Variants in TSHZ3 observed in about 807,000 individuals in gnomAD.
TSHZ3 encodes the protein teashirt homolog 3.
A neutral mutation model predicts 64.5 loss-of-function variants in TSHZ3; 10 were observed. The ratio of observed to expected loss-of-function variants is 0.16; its 90% CI spans 0.10 to 0.26. TSHZ3 has a LOEUF of 0.26. Among genes scored for constraint, TSHZ3 ranks in the 10% least tolerant of loss-of-function variants. TSHZ3 has a pLI of 1.00. For missense variants in TSHZ3, 1,242 were observed against 1,421.7 expected (o/e 0.87, Z 2.03); for synonymous variants, 608 against 593.1 (o/e 1.03, Z -0.36).
At chr19:31,229,913 G>A (rs1171625399) in intron 3 of TSHZ3, among the ~76,000 whole-genome samples, 6 of 152,150 alleles carry the variant, frequency 3.9e-5, no homozygotes, top group Non-Finnish European at 8.8e-5. Context: ...AAAAGATTAT[G>A]TAGAGCCTGG....
At chr19:31,254,465 C>A (rs187945849) in intron 1 of TSHZ3, among the ~76,000 whole-genome samples, 8 of 152,218 alleles carry the variant, frequency 5.3e-5, no homozygotes, top group Non-Finnish European at 1.0e-4. Context: ...CCGGTCAGCA[C>A]CAATCCCCGG....
chr19:31,293,825 C>G (rs1976617072), intron 1 of TSHZ3, among the ~76,000 whole-genome samples: 1 of 152,200 alleles, frequency 6.6e-6, no homozygotes, highest in Non-Finnish European at 1.5e-5. Context: ...CAACTGTACT[C>G]AGTAACTTCT....
At chr19:31,337,301 C>A (rs1332844357) in intron 1 of TSHZ3, among the ~76,000 whole-genome samples, 1 of 151,960 alleles carries the variant, frequency 6.6e-6, no homozygotes, top group Non-Finnish European at 1.5e-5. Context: ...AGAAGAAAAG[C>A]GAACAAAAAA....
chr19:31,283,032 A>G (rs1976392637), intron 1 of TSHZ3, among the ~76,000 whole-genome samples: 1 of 152,130 alleles, frequency 6.6e-6, no homozygotes, highest in South Asian at 2.1e-4. Flanking sequence ...TCTCCCCTCC[A>G]CATTAAAATA....
At chr19:31,252,320 C>A (rs967167707) in intron 1 of TSHZ3, among the ~76,000 whole-genome samples, 3 of 152,056 alleles carry the variant, frequency 2.0e-5, no homozygotes, top group African/African-American at 7.2e-5. Flanking sequence ...ACGGTCTCTC[C>A]CTATGCCAGC....
At chr19:31,255,167 G>C (rs1008022699) in intron 1 of TSHZ3, among the ~76,000 whole-genome samples, 2 of 152,132 alleles carry the variant, frequency 1.3e-5, no homozygotes, top group Non-Finnish European at 2.9e-5. Context: ...TCATCAATGG[G>C]GAATGCCAAC....
Position 31,275,482 on chromosome 19 carries a change from G to A in TSHZ3, c.*1065C>T, listed in dbSNP as rs1426430835. 2 of 140,302 alleles carry A rather than the reference G, an allele frequency of 1.4e-5. No homozygotes were observed. Among genetic ancestry groups the A allele is most frequent in the Non-Finnish European group, 3.1e-5 (2 of 64,218 alleles). The allele number at this position is 140,302 out of a possible 1,614,324, so 8.7% of individuals were successfully genotyped here. A position where few individuals can be genotyped will look rare whatever the true frequency, so the allele number is the denominator to read the frequency against. On this transcript the variant is annotated 3_prime_UTR_variant, in exon 2 of 2. Transcript: ENST00000240587. Reference sequence around the variant, plus strand: ...CCTTTTCAAATAGACTTAACCCTTTGAGCACTGAGTTTATTTTGAGTGTTC... The same window carrying A: ...CCTTTTCAAATAGACTTAACCCTTTAAGCACTGAGTTTATTTTGAGTGTTC...
chr19:31,168,678 G>A (rs1033876678), intron 5 of TSHZ3, among the ~76,000 whole-genome samples: 7 of 152,170 alleles, frequency 4.6e-5, no homozygotes, highest in Non-Finnish European at 1.0e-4. Flanking sequence ...AGCTGCAAGA[G>A]CCTAGATTTT....
intron 5 of TSHZ3, among the ~76,000 whole-genome samples, chr19:31,158,318 G>A (rs1002275122): frequency 6.6e-6 from 1 of 152,158 alleles, no homozygotes; most frequent in Non-Finnish European, 1.5e-5. Flanking sequence ...ATCCATGGCA[G>A]GTTAAAATGA....
intron 5 of TSHZ3, among the ~76,000 whole-genome samples, chr19:31,190,799 A>T (rs1974892543): frequency 6.6e-6 from 1 of 152,212 alleles, no homozygotes; most frequent in African/African-American, 2.4e-5. Flanking sequence ...ATGTTCAAGG[A>T]TTTAAAATAA....
intron 1 of TSHZ3, 47 bp downstream of exon 1, chr19:31,349,133 G>A (rs1225613361): frequency 2.0e-6 from 3 of 1,532,006 alleles, no homozygotes; most frequent in South Asian, 1.2e-5. Context: ...CGGGGCGAGC[G>A]GAGGAAGAGG....
At chr19:31,341,508 A>G (rs188745287) in intron 1 of TSHZ3, among the ~76,000 whole-genome samples, 1 of 152,212 alleles carries the variant, frequency 6.6e-6, no homozygotes, top group Admixed American at 6.5e-5. Flanking sequence ...ACCCCCATGA[A>G]AGGTGTAGGA....
Position 31,277,390 on chromosome 19 carries a change from G to A in TSHZ3, c.2403C>T (p.Cys801=). ...DLTKGKSDKG[C]SLGSVLLSPT... ...GTGACAGAAGCACTGAACCCAAGGA[G>A]CAGCCTTTGTCACTCTTCCCTTTTG... Residue 801 remains cysteine, a synonymous_variant, in exon 2 of 2, where the codon TGC becomes TGT. Transcript: ENST00000240587. The surrounding 1 kb of genome is among the most constrained non-coding windows in gnomAD (Gnocchi z 4.5). 1 of 1,614,200 alleles carries A rather than the reference G, an allele frequency of 6.2e-7. No individual in the cohort carries two copies. The highest frequency in any genetic ancestry group is 8.5e-7 in the Non-Finnish European group (1 of 1,180,036).
chr19:31,296,581 C>T (rs922443276), intron 1 of TSHZ3, among the ~76,000 whole-genome samples: 15 of 152,148 alleles, frequency 9.9e-5, no homozygotes, highest in African/African-American at 3.6e-4. Flanking sequence ...GGTGATCTGC[C>T]CGCCTCAGCC....
rs544554275 is a variant in TSHZ3 at position 31,210,698 on chromosome 19, CG to C, written n.687-5621del. 6.0e-4 allele frequency among the ~76,000 whole-genome samples: 92 copies of C among 152,216 alleles called. 1 individual carries two copies. The South Asian group carries it at 0.019, about 32-fold the overall frequency. ...ACGATTTTCAACTCAGGAACCCACG[CG>C]TACCACCATTTTCTTCTACGAGAAA... On this transcript the variant is annotated intron_variant and non_coding_transcript_variant, in intron 4 of 6. Transcript: ENST00000651361.
In TSHZ3 at chr19:31,277,302, C is replaced by G. The variant is rs201694059; in HGVS notation, c.2491G>C (p.Val831Leu). 1 of 1,613,364 alleles carries G rather than the reference C, an allele frequency of 6.2e-7. No homozygotes were observed. Among genetic ancestry groups the G allele is most frequent in the Non-Finnish European group, 8.5e-7 (1 of 1,179,362 alleles). The change falls in exon 2 of 2, where the codon GTA becomes CTA. Residue 831 changes from valine (V) to leucine (L), a missense_variant. By Grantham distance (32) the Val-to-Leu change is conservative. This residue lies in a region of TSHZ3 where 550 missense variants were observed against 545.1 expected (regional missense o/e 1.01). Transcript: ENST00000240587. This position sits in a 1 kb window ranked among gnomAD's most constrained non-coding sequence, Gnocchi z 4.5. ...AGCGGCGAGTTTGACATGAATGATA[C>G]GACGGCAGATGTCTTTGCCGTTGTC... ...TVTTAKTSAV[V>L]SFMSNSPLRE... is the part of the protein sequence containing the mutation.
chr19:31,167,477 G>A (rs1974470394), intron 5 of TSHZ3: 2 of 152,176 alleles, frequency 1.3e-5, no homozygotes, highest in African/African-American at 2.4e-5. Flanking sequence ...TCCAGCAAGA[G>A]TTGAACACAG....
rs1974890322 is a variant in TSHZ3, at chr19:31,190,632, C to T, written n.809+14324G>A. On this transcript the variant is annotated intron_variant and non_coding_transcript_variant, in intron 5 of 6. Transcript: ENST00000651361. Reference sequence around the variant, plus strand: ...TCAACTATGTAGCATTCATAATATTCAGCACACAGTTAAAAAAATCACTAG... The same window carrying T: ...TCAACTATGTAGCATTCATAATATTTAGCACACAGTTAAAAAAATCACTAG... Among the ~76,000 whole-genome samples the T allele has an allele frequency of 5.6e-5, 5 of 89,946 alleles. 1 individual carries two copies. In the South Asian group the frequency reaches 1.8e-3, roughly 33 times the overall value. 59.0% of individuals were successfully genotyped at this position (89,946 alleles called of 152,430 possible).
intron 5 of TSHZ3, among the ~76,000 whole-genome samples, chr19:31,168,895 GCATCCAA>G (rs1261571881): frequency 6.6e-6 from 1 of 152,146 alleles, no homozygotes; most frequent in African/African-American, 2.4e-5. Context: ...AGGGAGAAAA[GCATCCAA>G]CTGTCATAAG....
Sources: allele counts gnomAD v4.1 joint callset (sites outside exome capture counted in the v4.1 genomes callset), GRCh38; gene constraint gnomAD v4.1.1; regional missense constraint gnomAD v4.1.1; non-coding constraint Gnocchi (gnomAD v3.1); transcripts MANE v1.5; gene names NCBI Gene and HGNC (gene_info 2026-07-23, HGNC 2026-07-21).